Variants in CEP350 observed in about 807,000 individuals in gnomAD.
CEP350 encodes the protein centrosome-associated protein 350.
CEP350 carries 126 observed loss-of-function variants against 331.8 expected under a neutral mutation model. The observed-to-expected ratio is 0.38, with a 90% confidence interval of 0.33 to 0.44. CEP350 has a LOEUF of 0.44. CEP350 is among the 20% of genes least tolerant of loss of function. CEP350 has a pLI of 1.00. For synonymous variants in CEP350, 1,200 were observed against 1,259.5 expected, an observed-to-expected ratio of 0.95 and a Z score of 1.00; for missense variants, 3,406 against 3,634.6, an observed-to-expected ratio of 0.94 and a Z score of 1.62.
rs777865949 is a variant in CEP350, at chr1:179,986,236, A to G, written c.55A>G (p.Ser19Gly). 1.9e-6 allele frequency: 3 copies of G among 1,550,734 alleles called. No homozygotes were observed. The highest frequency in any genetic ancestry group is 2.6e-6 in the Non-Finnish European group (3 of 1,146,576). ...VPLPNPRNSQ[S>G]KDTVQADITT... ...TTTACCAAATCCAAGGAACTCTCAAAGCAAGGATACTGTTCAAGGTATGAT... is the reference window on the plus strand; with the variant it reads ...TTTACCAAATCCAAGGAACTCTCAAGGCAAGGATACTGTTCAAGGTATGAT... Residue 19 changes from serine (S) to glycine (G), a missense_variant, in exon 2 of 38, where the codon AGC becomes GGC. By Grantham distance (56) the Ser-to-Gly change is moderately conservative. Coordinates refer to ENST00000367607, the MANE Select transcript of CEP350 (RefSeq NM_014810.5).
rs927380267 is a variant in CEP350, at chr1:180,048,585, A to G, written c.4672A>G (p.Lys1558Glu). 4.3e-6 allele frequency: 7 copies of G among 1,610,736 alleles called. No individual in the cohort carries two copies. The highest frequency in any genetic ancestry group is 5.9e-6 in the Non-Finnish European group (7 of 1,177,014). The change falls in exon 22 of 38, where the codon AAG (lysine) becomes GAG (glutamate). Residue 1558 changes from lysine (K) to glutamate (E), a missense_variant. Transcript: ENST00000367607. ...RQESPSVPSC[K>E]ENEKKLNGEK... ...AGAAAGTCCTTCAGTTCCATCTTGT[A>G]AGGAAAATGAGAAGAAACTTAATGG...
At chr1:179,964,981 G>T (rs78341879) in intron 1 of CEP350, among the ~76,000 whole-genome samples, 2,556 of 151,600 alleles carry the variant, frequency 0.017, 78 homozygotes, top group African/African-American at 0.058. Flanking sequence ...GTTCCTTTAA[G>T]TTCAACTTTA....
chr1:180,042,132 T>TCACACACACA lies in CEP350; in HGVS notation c.4362+357_4362+366dup, dbSNP rs59048123. 2.8e-3 allele frequency among the ~76,000 whole-genome samples: 417 copies of TCACACACACA among 146,868 alleles called. 1 individual carries two copies. The highest frequency in any genetic ancestry group is 8.2e-3 in the East Asian group (41 of 4,980). On this transcript the variant is annotated intron_variant, in intron 19 of 37. Transcript: ENST00000367607. The stretch of plus-strand genomic sequence containing the variant: ...AGTATGCAATTTGGTGAGTTTTCTC[T>TCACACACACA]CACACACACACACACACACACACAC...
chr1:179,977,797 T>C (rs1276429561), intron 1 of CEP350, among the ~76,000 whole-genome samples: 1 of 152,038 alleles, frequency 6.6e-6, no homozygotes. Context: ...TAAACTTTAA[T>C]TTTTTAAAAC....
chr1:179,968,919 T>G, intron 1 of CEP350: 1 of 757,314 alleles, frequency 1.3e-6, no homozygotes, highest in South Asian at 1.3e-5. Flanking sequence ...TGAAGTTTGC[T>G]GCTGCCACTG....
rs1197449913 is a variant in CEP350 at position 180,094,140 on chromosome 1, A to G, written c.8035A>G (p.Ile2679Val). The G allele has an allele frequency of 2.5e-6, 4 of 1,613,696 alleles. No individual in the cohort carries two copies. The highest frequency in any genetic ancestry group is 1.3e-5 in the African/African-American group (1 of 74,948). ...TTCTGATGCCACAGAAAAGGTTTCC[A>G]TCGCTGCAGAAGATGACACTTTAGA... is the stretch of plus-strand genomic sequence containing the variant. ...LISDATEKVS[I>V]AAEDDTLDNT... Residue 2679 changes from isoleucine (I) to valine (V), a missense_variant, in exon 34 of 38, where the codon ATC becomes GTC. By Grantham distance (29) the Ile-to-Val change is conservative (BLOSUM62 3). Around this residue, in one of 5 missense-constraint regions of CEP350, gnomAD observed 1,415 missense variants for 1,512.3 expected, o/e 0.94. Transcript: ENST00000367607.
intron 36 of CEP350, among the ~76,000 whole-genome samples, chr1:180,097,632 T>C (rs925700609): frequency 1.3e-5 from 2 of 152,156 alleles, no homozygotes; most frequent in Admixed American, 6.5e-5. Flanking sequence ...ATATATAATA[T>C]ATACCAACAA....
intron 11 of CEP350, among the ~76,000 whole-genome samples, chr1:180,019,078 A>G (rs1311565658): frequency 6.6e-6 from 1 of 152,120 alleles, no homozygotes. Flanking sequence ...GCTGATCTCA[A>G]ACTCTTGGCC....
intron 14 of CEP350, among the ~76,000 whole-genome samples, chr1:180,026,290 T>G (rs1655668901): frequency 6.6e-6 from 1 of 151,884 alleles, no homozygotes; most frequent in African/African-American, 2.4e-5. Context: ...AAAAAAGTAT[T>G]TATTTTATTT....
chr1:180,014,711 T>C (rs1654860062), intron 10 of CEP350, among the ~76,000 whole-genome samples: 1 of 152,250 alleles, frequency 6.6e-6, no homozygotes, highest in Non-Finnish European at 1.5e-5. Context: ...CCTACAGTGA[T>C]TGTTACTGAT....
In CEP350 at chr1:180,096,174, A is replaced by G. The variant is rs1660470042; in HGVS notation, c.9056A>G (p.Asp3019Gly). Residue 3019 changes from aspartate to glycine, a missense_variant, in exon 36 of 38, where the codon GAT (aspartate) becomes GGT (glycine). Transcript: ENST00000367607. ...FRRVKNPNNLDEIKSFIASEV... is the reference protein window; with the variant it reads ...FRRVKNPNNLGEIKSFIASEV... ...CGAGTGAAAAATCCAAATAACCTTG[A>G]TGAAATCAAGGTAAACTGCAAACTA... is the stretch of plus-strand genomic sequence containing the variant. 2 of 1,563,848 alleles carry G rather than the reference A, an allele frequency of 1.3e-6. No individual in the cohort carries two copies. Among genetic ancestry groups the G allele is most frequent in the Non-Finnish European group, 1.7e-6 (2 of 1,153,022 alleles).
chr1:180,086,569 TAGC>T (rs1393616879), intron 31 of CEP350, among the ~76,000 whole-genome samples: 19 of 150,954 alleles, frequency 1.3e-4, no homozygotes, highest in African/African-American at 2.0e-4. Flanking sequence ...ATAAAATACA[TAGC>T]AGTTCATATA....
At chr1:180,011,896 A>T (rs1043488962) in intron 8 of CEP350, 33 bp from the exon 9 acceptor site, 4 of 1,474,786 alleles carry the variant, frequency 2.7e-6, no homozygotes, top group African/African-American at 2.8e-5. Flanking sequence ...ATTAAAATTT[A>T]AGTTTTAATT....
rs138407206 is a variant in CEP350, at chr1:180,087,356, G to T, written c.6286-222G>T. 1.1e-4 allele frequency: 36 copies of T among 316,816 alleles called. No homozygotes were observed. The East Asian group carries it at 2.1e-3, about 18-fold the overall frequency. The allele number at this position is 316,816 out of a possible 1,614,324, so 19.6% of individuals were successfully genotyped here. ...CAATGTCATTTCTTAATTGATACTG[G>T]AATTACAATTATATATCTTGCTTAT... is the stretch of plus-strand genomic sequence containing the variant. On this transcript the variant is annotated intron_variant, in intron 31 of 37. Coordinates refer to ENST00000367607, the MANE Select transcript of CEP350 (RefSeq NM_014810.5).
intron 4 of CEP350, among the ~76,000 whole-genome samples, chr1:179,991,554 C>T (rs1653067118): frequency 6.6e-6 from 1 of 151,450 alleles, no homozygotes; most frequent in South Asian, 2.1e-4. Flanking sequence ...TCCCAAAGTG[C>T]AGGGATTACA....
intron 32 of CEP350, among the ~76,000 whole-genome samples, chr1:180,088,253 C>A (rs1275659547): frequency 6.6e-6 from 1 of 151,822 alleles, no homozygotes; most frequent in Non-Finnish European, 1.5e-5. Context: ...AGTATGCAGT[C>A]AGTAAGCAAA....
At chr1:180,011,907 T>A in intron 8 of CEP350, 22 bp from the exon 9 acceptor site, 1 of 1,544,806 alleles carries the variant, frequency 6.5e-7, no homozygotes, top group Non-Finnish European at 8.8e-7. Context: ...AGTTTTAATT[T>A]CAGTGCCATG....
chr1:180,080,964 A>G (rs908112317), intron 30 of CEP350, among the ~76,000 whole-genome samples: 3 of 151,702 alleles, frequency 2.0e-5, no homozygotes, highest in Non-Finnish European at 4.4e-5. Context: ...GGGTCAAGCA[A>G]TTCTCCTGCC....
Position 179,998,313 on chromosome 1 carries a change from T to C in CEP350, c.1018+1138T>C, listed in dbSNP as rs1158412807. Among the ~76,000 whole-genome samples the C allele has an allele frequency of 1.0e-4, 15 of 144,620 alleles. 1 individual carries two copies. Among genetic ancestry groups the C allele is most frequent in the Non-Finnish European group, 1.3e-4 (9 of 66,934 alleles). The allele number at this position is 144,620 out of a possible 152,430, so 94.9% of individuals were successfully genotyped here. ...TGTTTCTTCTATTTTCTTTTTTTTT[T>C]TTTTTTTTTTTTTAAGACAGAGTCT... On this transcript the variant is annotated intron_variant, in intron 6 of 37. Transcript: ENST00000367607.
Sources: allele counts gnomAD v4.1 joint callset (sites outside exome capture counted in the v4.1 genomes callset), GRCh38; gene constraint gnomAD v4.1.1; regional missense constraint gnomAD v4.1.1; transcripts MANE v1.5; gene names NCBI Gene and HGNC (gene_info 2026-07-23, HGNC 2026-07-21).